Variants in GSK3B observed in about 807,000 individuals in gnomAD.
GSK3B encodes glycogen synthase kinase 3 beta, also known as glycogen synthase kinase-3 beta.
Under a neutral mutation model 56.4 loss-of-function variants are expected in GSK3B, and 15 were observed. That is an observed-to-expected ratio of 0.27 (90% confidence interval 0.18 to 0.41). The LOEUF (loss-of-function observed/expected upper bound fraction) is 0.41. Ranked by LOEUF, GSK3B falls within the 10% of genes least tolerant of loss-of-function variation. GSK3B has a pLI of 1.00. For synonymous variants in GSK3B, 181 were observed against 188.9 expected, an observed-to-expected ratio of 0.96 and a Z score of 0.34; for missense variants, 300 against 513.4, an observed-to-expected ratio of 0.58 and a Z score of 4.02.
intron 7 of GSK3B, among the ~76,000 whole-genome samples, chr3:119,899,536 T>C (rs532199109): frequency 3.3e-5 from 5 of 152,254 alleles, no homozygotes; most frequent in South Asian, 2.1e-4. Flanking sequence ...TTGGAAAACG[T>C]AGAACTCTGA....
intron 1 of GSK3B, 130 bp from the exon 2 acceptor site, chr3:120,002,369 A>C (rs2057687061): frequency 4.6e-6 from 2 of 430,310 alleles, no homozygotes; most frequent in Non-Finnish European, 7.8e-6. Context: ...ATGGAGTCTC[A>C]CTCTTGTCAC....
chr3:120,057,567 A>G (rs550887175), intron 1 of GSK3B, among the ~76,000 whole-genome samples: 1 of 152,200 alleles, frequency 6.6e-6, no homozygotes, highest in Non-Finnish European at 1.5e-5. Flanking sequence ...ATCATCTGAT[A>G]ATTTTAAATG....
intron 1 of GSK3B, among the ~76,000 whole-genome samples, chr3:120,055,139 T>C (rs539224468): frequency 1.3e-5 from 2 of 152,288 alleles, no homozygotes; most frequent in East Asian, 1.9e-4. Flanking sequence ...ATAATACTTA[T>C]CACAGAACAT....
intron 1 of GSK3B, among the ~76,000 whole-genome samples, chr3:120,088,489 T>C (rs2058484232): frequency 6.6e-6 from 1 of 152,202 alleles, no homozygotes; most frequent in Non-Finnish European, 1.5e-5. Flanking sequence ...AGCAATTTGA[T>C]TTGTATAACC....
At chr3:120,053,833 A>C (rs537890993) in intron 1 of GSK3B, among the ~76,000 whole-genome samples, 2 of 152,286 alleles carry the variant, frequency 1.3e-5, no homozygotes, top group South Asian at 4.1e-4. Context: ...GCTGCCATCC[A>C]TGTAAGCCGT....
chr3:119,981,942 G>A (rs937399704), intron 2 of GSK3B, among the ~76,000 whole-genome samples: 3 of 152,230 alleles, frequency 2.0e-5, no homozygotes, highest in Non-Finnish European at 4.4e-5. Flanking sequence ...CCTCCCAGTA[G>A]GGGCCAACAG....
At position 119,970,968 on chromosome 3, in the gene GSK3B, A is replaced by G. The variant is rs116805053; in HGVS notation, c.283-23617T>C. Among the ~76,000 whole-genome samples, 233 of 152,354 alleles carry G rather than the reference A, an allele frequency of 1.5e-3. 1 individual carries two copies. Among genetic ancestry groups the G allele is most frequent in the African/African-American group, 5.5e-3 (228 of 41,572 alleles). ...TAGACTTTTCTTAAACAATTAGAAT[A>G]TCTCCCACATTAAGAAGCATATTTT... On this transcript the variant is annotated intron_variant, in intron 2 of 10. Coordinates refer to ENST00000264235, the MANE Select transcript of GSK3B (RefSeq NM_001146156.2).
intron 9 of GSK3B, among the ~76,000 whole-genome samples, chr3:119,862,052 C>CAA (rs1445666376): frequency 1.3e-5 from 2 of 150,978 alleles, no homozygotes; most frequent in South Asian, 2.1e-4. Context: ...ATGTGCTGGG[C>CAA]AAACATAAGA....
rs1251187679 is a variant in GSK3B at position 119,822,943 on chromosome 3, G to C, written c.*3845C>G. 8.7e-6 allele frequency: 2 copies of C among 229,344 alleles called. No homozygotes were observed. Among genetic ancestry groups the C allele is most frequent in the Non-Finnish European group, 1.7e-5 (2 of 115,594 alleles). 14.2% of individuals were successfully genotyped at this position (229,344 alleles called of 1,614,324 possible). ...CAGTGTCTTCATATCCACAGGGATA[G>C]AGAATACTCCTCTCAGAAACCTTTG... On this transcript the variant is annotated 3_prime_UTR_variant, in exon 11 of 11. Coordinates refer to ENST00000264235, the MANE Select transcript of GSK3B (RefSeq NM_001146156.2).
At chr3:119,969,993 C>T (rs1265502832) in intron 2 of GSK3B, among the ~76,000 whole-genome samples, 1 of 152,192 alleles carries the variant, frequency 6.6e-6, no homozygotes, top group Non-Finnish European at 1.5e-5. Flanking sequence ...CCATTCATCA[C>T]ATAGCAGCCC....
chr3:120,070,447 C>T (rs148461224), intron 1 of GSK3B, among the ~76,000 whole-genome samples: 177 of 152,088 alleles, frequency 1.2e-3, no homozygotes, highest in African/African-American at 4.1e-3. Context: ...GTTACTATCA[C>T]CACTTCCAAA....
chr3:119,922,949 C>T (rs983996859), intron 4 of GSK3B, among the ~76,000 whole-genome samples: 3 of 152,146 alleles, frequency 2.0e-5, no homozygotes, highest in African/African-American at 7.2e-5. Flanking sequence ...ACAGTTTAAG[C>T]TGCAGCTACA....
At chr3:119,925,876 A>G (rs2056884590) in intron 3 of GSK3B, among the ~76,000 whole-genome samples, 1 of 152,192 alleles carries the variant, frequency 6.6e-6, no homozygotes, top group African/African-American at 2.4e-5. Context: ...TTGTTGCTGA[A>G]TCCAAAGCCA....
intron 1 of GSK3B, among the ~76,000 whole-genome samples, chr3:120,020,781 T>A (rs192369695): frequency 6.6e-6 from 1 of 152,314 alleles, no homozygotes; most frequent in Admixed American, 6.5e-5. Flanking sequence ...AAAGCCCAGA[T>A]AGGCTGAAAG....
At chr3:119,874,217 T>C (rs115230267) in intron 8 of GSK3B, among the ~76,000 whole-genome samples, 395 of 152,138 alleles carry the variant, frequency 2.6e-3, no homozygotes, top group African/African-American at 8.4e-3. Context: ...CAGTGTCCCC[T>C]CCCTTTTATC....
chr3:119,937,995 G>A (rs745879836), intron 3 of GSK3B, among the ~76,000 whole-genome samples: 12 of 150,424 alleles, frequency 8.0e-5, no homozygotes, highest in African/African-American at 2.2e-4. Context: ...ACAAATAATC[G>A]TATGTTAACA....
At chr3:119,969,018 G>A (rs771215705) in intron 2 of GSK3B, among the ~76,000 whole-genome samples, 4 of 152,212 alleles carry the variant, frequency 2.6e-5, no homozygotes, top group Non-Finnish European at 5.9e-5. Flanking sequence ...GAGGCCGGGA[G>A]TGATGGCTCA....
intron 1 of GSK3B, among the ~76,000 whole-genome samples, chr3:120,062,759 T>C (rs1374290701): frequency 6.6e-6 from 1 of 152,242 alleles, no homozygotes. Context: ...ACTCTGCTGG[T>C]AGGCATCTCA....
At chr3:119,997,433 AAAGT>A (rs1477020242) in intron 2 of GSK3B, among the ~76,000 whole-genome samples, 2 of 152,184 alleles carry the variant, frequency 1.3e-5, no homozygotes, top group African/African-American at 4.8e-5. Context: ...CTAGATTAAA[AAAGT>A]AAGAAAAGTT....
Sources: gnomAD v4.1 joint callset for allele counts (sites outside exome capture counted in the v4.1 genomes callset) on GRCh38, gnomAD v4.1.1 for gene constraint, MANE v1.5 for transcripts, NCBI Gene and HGNC (gene_info 2026-07-23, HGNC 2026-07-21) for gene names.